Variants in BAIAP2 observed in about 807,000 individuals in gnomAD.
BAIAP2 encodes the protein BAR/IMD domain containing adaptor protein 2.
A neutral mutation model predicts 63.0 loss-of-function variants in BAIAP2; 18 were observed. That is an observed-to-expected ratio of 0.29 (90% confidence interval 0.20 to 0.42). The LOEUF (loss-of-function observed/expected upper bound fraction) is 0.42. Ranked by LOEUF, BAIAP2 falls within the 10% of genes least tolerant of loss-of-function variation. The pLI is 1.00. For synonymous variants in BAIAP2, 386 were observed against 307.6 expected, an observed-to-expected ratio of 1.25 and a Z score of -2.67; for missense variants, 610 against 734.3, an observed-to-expected ratio of 0.83 and a Z score of 1.96.
intron 3 of BAIAP2, among the ~76,000 whole-genome samples, chr17:81,077,879 C>T (rs2053931037): frequency 6.9e-6 from 1 of 145,010 alleles, no homozygotes; most frequent in African/African-American, 2.6e-5. Flanking sequence ...CTGTGGGTGC[C>T]AGTGCCATCT....
Position 81,103,694 on chromosome 17 carries a change from G to A in BAIAP2, c.835G>A (p.Val279Met). 6.3e-7 allele frequency: 1 copy of A among 1,593,902 alleles called. No homozygotes were observed. The change falls in exon 8 of 14, where the codon GTG (valine) becomes ATG (methionine). Residue 279 changes from valine to methionine, a missense_variant. Coordinates refer to ENST00000428708, the MANE Select transcript of BAIAP2 (RefSeq NM_001144888.2). ...DPIPGAKPLP[V>M]PPELAPFVGR... The stretch of plus-strand genomic sequence containing the variant: ...CATTCCGGGGGCCAAGCCCCTGCCG[G>A]TGCCCCCCGAGCTGGCACCGTTCGT...
chr17:81,081,993 C>T (rs900554934), intron 3 of BAIAP2, among the ~76,000 whole-genome samples: 5 of 152,074 alleles, frequency 3.3e-5, no homozygotes, highest in Middle Eastern at 3.4e-3. Flanking sequence ...TGTGCCAGGG[C>T]GCGTCTTAGG....
At chr17:81,098,213 C>A in intron 6 of BAIAP2, 1 of 1,344,974 alleles carries the variant, frequency 7.4e-7, no homozygotes, top group South Asian at 1.9e-5. Flanking sequence ...ATACAACAAG[C>A]CCTGCACCCA....
At chr17:81,072,795 A>G (rs1157751601) in intron 3 of BAIAP2, among the ~76,000 whole-genome samples, 1 of 151,820 alleles carries the variant, frequency 6.6e-6, no homozygotes, top group Non-Finnish European at 1.5e-5. Context: ...AGAAGGGGCC[A>G]TTGGTGTCAG....
chr17:81,059,432 G>C (rs776983220), intron 3 of BAIAP2, among the ~76,000 whole-genome samples: 1 of 152,072 alleles, frequency 6.6e-6, no homozygotes, highest in Non-Finnish European at 1.5e-5. Context: ...AGAAGCAGTG[G>C]GTGTCTGTGA....
chr17:81,112,881 A>C (rs1007150525), intron 13 of BAIAP2, among the ~76,000 whole-genome samples: 1 of 151,844 alleles, frequency 6.6e-6, no homozygotes, highest in African/African-American at 2.4e-5. Flanking sequence ...GGAGACCCCC[A>C]TCTTGACAAA....
intron 13 of BAIAP2, among the ~76,000 whole-genome samples, chr17:81,113,282 G>A (rs1382443462): frequency 6.6e-6 from 1 of 152,202 alleles, no homozygotes; most frequent in Non-Finnish European, 1.5e-5. Flanking sequence ...CTGGAGAGGT[G>A]CTGGTGGTGT....
chr17:81,086,415 G>A, intron 5 of BAIAP2, 28 bp from the exon 6 acceptor site: 18 of 1,611,772 alleles, frequency 1.1e-5, no homozygotes, highest in Non-Finnish European at 1.5e-5. Flanking sequence ...ATGGGCCTTG[G>A]TTTTGTGTTT....
intron 1 of BAIAP2, among the ~76,000 whole-genome samples, chr17:81,050,384 C>T (rs971499395): frequency 1.4e-5 from 2 of 147,864 alleles, no homozygotes; most frequent in African/African-American, 2.5e-5. Flanking sequence ...GCATTCCTTC[C>T]GTGTGAGCTC....
chr17:81,107,768 A>T (rs2059361127), intron 12 of BAIAP2: 1 of 152,376 alleles, frequency 6.6e-6, no homozygotes. Flanking sequence ...CTATTGACCC[A>T]CAAGTGAGGA....
intron 13 of BAIAP2, chr17:81,110,913 G>A: frequency 1.2e-6 from 2 of 1,613,894 alleles, no homozygotes; most frequent in African/African-American, 1.3e-5. Flanking sequence ...TTTCCTTGCA[G>A]CGCCGATGTG....
At chr17:81,080,595 C>T (rs937375641) in intron 3 of BAIAP2, among the ~76,000 whole-genome samples, 3 of 152,234 alleles carry the variant, frequency 2.0e-5, no homozygotes, top group African/African-American at 7.2e-5. Context: ...TCAGCAGTCC[C>T]TTTTTCAAAG....
At chr17:81,074,184 C>T (rs747923226) in intron 3 of BAIAP2, among the ~76,000 whole-genome samples, 3 of 152,224 alleles carry the variant, frequency 2.0e-5, no homozygotes, top group Admixed American at 6.5e-5. Context: ...GGTCCTTGCT[C>T]TTAGGACACA....
intron 1 of BAIAP2, among the ~76,000 whole-genome samples, chr17:81,038,465 G>A (rs541732353): frequency 1.2e-4 from 19 of 152,350 alleles, no homozygotes; most frequent in African/African-American, 4.6e-4. Flanking sequence ...GGTTGAGAGA[G>A]CATCTGGGGA....
chr17:81,104,432 C>G, intron 9 of BAIAP2, 82 bp from the exon 10 acceptor site: 2 of 1,446,814 alleles, frequency 1.4e-6, no homozygotes, highest in Non-Finnish European at 1.9e-6. Flanking sequence ...CGGCTGTGCT[C>G]TCAGCACCTC....
chr17:81,069,147 A>G (rs768812626), intron 3 of BAIAP2, among the ~76,000 whole-genome samples: 3 of 152,210 alleles, frequency 2.0e-5, no homozygotes, highest in Non-Finnish European at 4.4e-5. Context: ...AACTTCTGGT[A>G]GCTCCGAATG....
chr17:81,104,793 T>G, intron 10 of BAIAP2, 78 bp downstream of exon 10: 1 of 1,398,584 alleles, frequency 7.2e-7, no homozygotes, highest in Non-Finnish European at 9.7e-7. Flanking sequence ...TCAAGTGCAC[T>G]GAGACCTTGT....
chr17:81,076,736 A>G (rs2053724186), intron 3 of BAIAP2, among the ~76,000 whole-genome samples: 1 of 152,218 alleles, frequency 6.6e-6, no homozygotes, highest in Non-Finnish European at 1.5e-5. Flanking sequence ...TAATCCCAGC[A>G]CTTTGGGAGT....
Position 81,106,845 on chromosome 17 carries a change from G to T in BAIAP2, c.1438G>T (p.Ala480Ser), listed in dbSNP as rs779054777. 15 of 1,609,064 alleles carry T rather than the reference G, an allele frequency of 9.3e-6. No homozygotes were observed. In the African/African-American group the frequency reaches 1.9e-4, roughly 20 times the overall value. Residue 480 changes from alanine to serine, a missense_variant, in exon 12 of 14, where the codon GCC (alanine) becomes TCC (serine). By Grantham distance (99) the Ala-to-Ser change is moderately conservative. This residue lies in a region of BAIAP2 where 114 missense variants were observed against 98.2 expected (regional missense o/e 1.16). Transcript: ENST00000428708. ...DYGAASRAFP[A>S]QTASGFKQRP... ...CGGCGCCGCCTCCCGGGCCTTCCCC[G>T]CCCAGACGGCCAGCGGCTTCAAGCA...
Sources: allele counts gnomAD v4.1 joint callset (sites outside exome capture counted in the v4.1 genomes callset), GRCh38; gene constraint gnomAD v4.1.1; regional missense constraint gnomAD v4.1.1; transcripts MANE v1.5; gene names NCBI Gene and HGNC (gene_info 2026-07-23, HGNC 2026-07-21).